DIS3L2: variants seen among roughly 807,000 people sequenced by gnomAD.
The protein encoded by DIS3L2 is DIS3-like exonuclease 2.
A neutral mutation model predicts 97.5 loss-of-function variants in DIS3L2; 34 were observed. That is an observed-to-expected ratio of 0.35 (90% CI 0.27 to 0.46). The LOEUF (loss-of-function observed/expected upper bound fraction) is 0.46, where lower values mean the gene tolerates loss of function less well. Ranked by LOEUF, DIS3L2 falls within the 20% of genes least tolerant of loss-of-function variation. DIS3L2 has a pLI of 1.00. For missense variants in DIS3L2, 1,038 were observed against 1,146.0 expected (o/e 0.91, Z 1.36); for synonymous variants, 435 against 445.2 (o/e 0.98, Z 0.29).
intron 1 of DIS3L2, among the ~76,000 whole-genome samples, chr2:231,968,028 T>G (rs1692773248): frequency 6.6e-6 from 1 of 150,458 alleles, no homozygotes; most frequent in Admixed American, 6.7e-5. Context: ...AACAGGACAT[T>G]GATCATATCT....
rs1297523039 is a variant in DIS3L2, at chr2:232,325,920, C to T, written c.1740-3893C>T. Among the ~76,000 whole-genome samples, 1 of 152,228 alleles carries T rather than the reference C, an allele frequency of 6.6e-6. No individual in the cohort carries two copies. Among genetic ancestry groups the T allele is most frequent in the African/African-American group, 2.4e-5 (1 of 41,466 alleles). The stretch of plus-strand genomic sequence containing the variant: ...CAGGGCAGGGGGCAGGGCGCCCTCC[C>T]GTCCAGCAGCCCCAGTGCCCACTCT... On this transcript the variant is annotated intron_variant, in intron 14 of 20. Coordinates refer to ENST00000325385, the MANE Select transcript of DIS3L2 (RefSeq NM_152383.5). This position sits in a 1 kb window ranked among gnomAD's most constrained non-coding sequence, Gnocchi z 4.6.
intron 12 of DIS3L2, among the ~76,000 whole-genome samples, chr2:232,253,298 G>A (rs555390540): frequency 5.9e-5 from 9 of 152,346 alleles, no homozygotes; most frequent in Non-Finnish European, 1.2e-4. Context: ...CTTTACCCAC[G>A]AGGGCTTTTG....
downstream of DIS3L2, among the ~76,000 whole-genome samples, chr2:232,339,082 G>A (rs1159023153): frequency 6.6e-6 from 1 of 152,234 alleles, no homozygotes. Flanking sequence ...GGAAGATGGT[G>A]CAGGCAGTGG....
intron 9 of DIS3L2, among the ~76,000 whole-genome samples, chr2:232,202,640 G>A (rs1200312381): frequency 6.6e-6 from 1 of 152,170 alleles, no homozygotes; most frequent in African/African-American, 2.4e-5. Context: ...CAGTGAAAAG[G>A]GCCTGCCCAC....
intron 5 of DIS3L2, among the ~76,000 whole-genome samples, chr2:232,084,799 C>CAAA (rs55977523): frequency 9.6e-5 from 14 of 145,602 alleles, no homozygotes; most frequent in African/African-American, 2.7e-4. Context: ...CAGTTTTGCT[C>CAAA]AAAAAAAAAA....
At chr2:231,967,246 G>A (rs1286248780) in intron 1 of DIS3L2, among the ~76,000 whole-genome samples, 3 of 152,192 alleles carry the variant, frequency 2.0e-5, no homozygotes, top group Non-Finnish European at 2.9e-5. Flanking sequence ...CAAACCGGAT[G>A]AGGCAGGAAG....
intron 10 of DIS3L2, among the ~76,000 whole-genome samples, chr2:232,230,928 G>A (rs1044945150): frequency 6.6e-6 from 1 of 151,918 alleles, no homozygotes; most frequent in African/African-American, 2.4e-5. Flanking sequence ...CCCATCCTTC[G>A]CTCTGGCTCT....
At chr2:232,295,753 C>T (rs1483237972) in intron 13 of DIS3L2, among the ~76,000 whole-genome samples, 3 of 152,192 alleles carry the variant, frequency 2.0e-5, no homozygotes, top group South Asian at 2.1e-4. Flanking sequence ...CCTGTCACCC[C>T]GATCTCTGCC....
At chr2:232,294,908 C>G (rs947407875) in intron 13 of DIS3L2, among the ~76,000 whole-genome samples, 2 of 152,156 alleles carry the variant, frequency 1.3e-5, no homozygotes, top group Non-Finnish European at 2.9e-5. Context: ...AGACATCTGT[C>G]ACCCAGCCGC....
intron 6 of DIS3L2, among the ~76,000 whole-genome samples, chr2:232,089,676 C>T (rs2106312176): frequency 6.6e-6 from 1 of 152,312 alleles, no homozygotes. Flanking sequence ...TTCGTGGAAA[C>T]CCAGCTCTGG....
At chr2:232,336,258 G>A in intron 20 of DIS3L2, 1 of 1,544,032 alleles carries the variant, frequency 6.5e-7, no homozygotes. Flanking sequence ...TGTTTCATAA[G>A]CCTTGGGAGC....
intron 9 of DIS3L2, among the ~76,000 whole-genome samples, chr2:232,202,126 G>A (rs1216237396): frequency 2.6e-5 from 4 of 152,146 alleles, no homozygotes; most frequent in African/African-American, 7.2e-5. Context: ...AAAAAGAGGC[G>A]TGATGGCTCA....
At chr2:232,163,700 T>G (rs1690723462) in intron 9 of DIS3L2, 68 bp downstream of exon 9, 17 of 1,491,340 alleles carry the variant, frequency 1.1e-5, no homozygotes, top group Non-Finnish European at 1.5e-5. Flanking sequence ...GGGGCTAGGC[T>G]TAGATGTTTT....
At chr2:232,210,294 G>T in intron 9 of DIS3L2, 32 bp from the exon 10 acceptor site, 1 of 1,560,802 alleles carries the variant, frequency 6.4e-7, no homozygotes, top group East Asian at 2.2e-5. Flanking sequence ...ATTATTTGTG[G>T]CATTGCTAAT....
chr2:232,206,712 C>T (rs1023868899), intron 9 of DIS3L2, among the ~76,000 whole-genome samples: 7 of 152,080 alleles, frequency 4.6e-5, no homozygotes, highest in Non-Finnish European at 7.4e-5. Flanking sequence ...TACTGTTTGT[C>T]AGGTTCCATT....
At chr2:232,022,284 C>G (rs1286484384) in intron 3 of DIS3L2, among the ~76,000 whole-genome samples, 1 of 152,114 alleles carries the variant, frequency 6.6e-6, no homozygotes, top group Admixed American at 6.5e-5. Flanking sequence ...GTCAAATTTG[C>G]AAATGCTGTT....
intron 7 of DIS3L2, among the ~76,000 whole-genome samples, chr2:232,135,955 G>A (rs181356235): frequency 6.6e-5 from 10 of 152,264 alleles, no homozygotes; most frequent in African/African-American, 2.4e-4. Context: ...TGGAGTGGTG[G>A]CCTCAATCTT....
At chr2:232,237,167 A>T (rs527642871) in intron 10 of DIS3L2, among the ~76,000 whole-genome samples, 1 of 152,164 alleles carries the variant, frequency 6.6e-6, no homozygotes, top group African/African-American at 2.4e-5. Context: ...GTATGTGTAT[A>T]TTTTTATTTT....
At chr2:232,030,322 C>G (rs1207496092) in intron 5 of DIS3L2, among the ~76,000 whole-genome samples, 1 of 152,144 alleles carries the variant, frequency 6.6e-6, no homozygotes, top group Non-Finnish European at 1.5e-5. Flanking sequence ...CTGTCACATG[C>G]CTTGCACTGG....
Sources: allele counts gnomAD v4.1 joint callset (sites outside exome capture counted in the v4.1 genomes callset), GRCh38; gene constraint gnomAD v4.1.1; non-coding constraint Gnocchi (gnomAD v3.1); transcripts MANE v1.5; gene names NCBI Gene and HGNC (gene_info 2026-07-23, HGNC 2026-07-21).